The following STON2 variants were observed in gnomAD, a reference collection of about 807,000 sequenced individuals.
STON2 encodes the protein stonin-2.
A neutral mutation model predicts 65.7 loss-of-function variants in STON2; 29 were observed. The ratio of observed to expected loss-of-function variants is 0.44; its 90% CI spans 0.33 to 0.60. STON2 has a LOEUF of 0.60. Ranked by LOEUF, STON2 falls within the 20% of genes least tolerant of loss-of-function variation. The pLI, the probability that STON2 is intolerant of heterozygous loss-of-function variation, is 0.03. For missense variants in STON2, 1,054 were observed against 1,118.1 expected (o/e 0.94, Z 0.82); for synonymous variants, 404 against 414.2 (o/e 0.98, Z 0.30).
intron 4 of STON2, among the ~76,000 whole-genome samples, chr14:81,358,949 T>G (rs566189929): frequency 1.3e-5 from 2 of 152,286 alleles, no homozygotes; most frequent in South Asian, 4.1e-4. Context: ...ATATCGGACT[T>G]GAATACTCTA....
rs1248019802 is a variant in STON2, at chr14:81,278,388, G to A, written c.1094C>T (p.Pro365Leu). 2 of 1,614,206 alleles carry A rather than the reference G, an allele frequency of 1.2e-6. No individual in the cohort carries two copies. Among genetic ancestry groups the A allele is most frequent in the African/African-American group, 1.3e-5 (1 of 75,038 alleles). ...NRTPSVTEASPWRATNPFLNE... is the reference protein window; with the variant it reads ...NRTPSVTEASLWRATNPFLNE... ...CAGGAAAGGGTTGGTTGCCCTCCAA[G>A]GTGAAGCCTCAGTTACAGAAGGCGT... The change falls in exon 6 of 8, where the codon CCT becomes CTT. Residue 365 changes from proline (P) to leucine (L), a missense_variant. Physicochemically the swap from Pro to Leu is moderately conservative, Grantham distance 98. Transcript: ENST00000614646.
In STON2 at chr14:81,395,938, G is replaced by A. The variant is rs760018403; in HGVS notation, c.329C>T (p.Pro110Leu). The A allele has an allele frequency of 6.2e-7, 1 of 1,614,106 alleles. No individual in the cohort carries two copies. The highest frequency in any genetic ancestry group is 1.7e-5 in the Admixed American group (1 of 60,014). Residue 110 changes from proline to leucine, a missense_variant, in exon 3 of 8, where the codon CCC becomes CTC. Physicochemically the swap from Pro to Leu is moderately conservative, Grantham distance 98. Transcript: ENST00000614646. ...SNWVQFEDDT[P>L]WASTSPPHQE... ...ATGAGGTGGAGATGTGCTGGCCCAG[G>A]GTGTGTCATCTTCAAACTGAACCCA...
Position 81,333,343 on chromosome 14 carries a change from T to C in STON2, c.572-9156A>G, listed in dbSNP as rs193181321. The C allele has an allele frequency of 4.2e-4, 236 of 558,918 alleles. 1 individual carries two copies. The highest frequency in any genetic ancestry group is 3.5e-3 in the African/African-American group (187 of 53,244). The allele number at this position is 558,918 out of a possible 1,614,324, so 34.6% of individuals were successfully genotyped here. On this transcript the variant is annotated intron_variant, in intron 4 of 7. Transcript: ENST00000614646. ...TTGGTCATGAACTTTCTAGTTCAGA[T>C]AGTTACCATGTCATTCATGATGGCG...
intron 2 of STON2, among the ~76,000 whole-genome samples, chr14:81,423,575 G>A (rs542083048): frequency 4.6e-5 from 7 of 152,242 alleles, no homozygotes; most frequent in Non-Finnish European, 2.9e-5. Flanking sequence ...CCTTATTTCC[G>A]TTTTCAGCAA....
intron 4 of STON2, among the ~76,000 whole-genome samples, chr14:81,345,677 T>C (rs1231904202): frequency 6.6e-6 from 1 of 151,960 alleles, no homozygotes; most frequent in Non-Finnish European, 1.5e-5. Flanking sequence ...GGGAGGATGG[T>C]TTGAGCCCAG....
At chr14:81,328,021 T>G (rs1897061942) in intron 4 of STON2, among the ~76,000 whole-genome samples, 1 of 152,206 alleles carries the variant, frequency 6.6e-6, no homozygotes, top group Admixed American at 6.5e-5. Context: ...AAAGCCTACC[T>G]TACAGCTTTT....
chr14:81,360,609 T>C (rs1046574318), intron 4 of STON2, among the ~76,000 whole-genome samples: 9 of 152,148 alleles, frequency 5.9e-5, no homozygotes, highest in Non-Finnish European at 1.2e-4. Flanking sequence ...CCCTGAGTCC[T>C]AGAACAAGAC....
chr14:81,430,135 G>A (rs572073270), intron 1 of STON2, among the ~76,000 whole-genome samples: 40 of 152,060 alleles, frequency 2.6e-4, no homozygotes, highest in Middle Eastern at 3.2e-3. Context: ...CATCCAGCCC[G>A]GAGTAGCTGC....
At chr14:81,367,208 T>G (rs765376745) in intron 4 of STON2, among the ~76,000 whole-genome samples, 3 of 152,008 alleles carry the variant, frequency 2.0e-5, no homozygotes, top group Non-Finnish European at 4.4e-5. Flanking sequence ...AGACCAAGTC[T>G]CACTCTGTCA....
intron 3 of STON2, among the ~76,000 whole-genome samples, chr14:81,382,955 T>C (rs754852948): frequency 6.6e-6 from 1 of 152,212 alleles, no homozygotes; most frequent in African/African-American, 2.4e-5. Flanking sequence ...CTCCGATAAG[T>C]TATTTTATTC....
Position 81,278,188 on chromosome 14 carries a change from T to G in STON2, c.1294A>C (p.Thr432Pro), listed in dbSNP as rs139654937. The G allele has an allele frequency of 1.1e-5, 17 of 1,613,784 alleles. No individual in the cohort carries two copies. The highest frequency in any genetic ancestry group is 1.3e-5 in the African/African-American group (1 of 74,906). Residue 432 changes from threonine to proline, a missense_variant, in exon 6 of 8, where the codon ACC becomes CCC. Coordinates refer to ENST00000614646, the MANE Select transcript of STON2 (RefSeq NM_001394390.1). ...DAISFDDSSKTQSHSDAVEKL... is the reference protein window; with the variant it reads ...DAISFDDSSKPQSHSDAVEKL... ...TCAACAGCATCAGAGTGTGACTGGG[T>G]TTTGCTTGAATCATCAAAACTGATG...
intron 5 of STON2, among the ~76,000 whole-genome samples, chr14:81,287,610 C>G (rs576285774): frequency 6.6e-6 from 1 of 152,182 alleles, no homozygotes; most frequent in African/African-American, 2.4e-5. Flanking sequence ...ATTTTTTTTG[C>G]TCAGAAAAGC....
At position 81,277,755 on chromosome 14, in the gene STON2, G is replaced by T; in HGVS notation, c.1727C>A (p.Ala576Asp). ...CACCTGTTCCCTCTCTGCTGTGTGG[G>T]CCACAGCAGGTTTGGGCTGGTATTT... is the stretch of plus-strand genomic sequence containing the variant. Reference protein sequence around the residue: ...KKKYQPKPAVAHTAEREQVIK... With the variant: ...KKKYQPKPAVDHTAEREQVIK... The change falls in exon 6 of 8, where the codon GCC (alanine) becomes GAC (aspartate). Residue 576 changes from alanine to aspartate, a missense_variant. Ala to Asp is a moderately radical substitution (Grantham distance 126). Coordinates refer to ENST00000614646, the MANE Select transcript of STON2 (RefSeq NM_001394390.1). 6.2e-7 allele frequency: 1 copy of T among 1,614,134 alleles called. No homozygotes were observed. The highest frequency in any genetic ancestry group is 8.5e-7 in the Non-Finnish European group (1 of 1,179,990).
intron 2 of STON2, chr14:81,426,987 C>T (rs1902009429): frequency 6.6e-6 from 1 of 152,188 alleles, no homozygotes; most frequent in African/African-American, 2.4e-5. Flanking sequence ...ACATTGATGT[C>T]AAAGTGCTTT....
intron 4 of STON2, among the ~76,000 whole-genome samples, chr14:81,355,094 A>AG (rs1458891164): frequency 1.3e-5 from 2 of 152,342 alleles, no homozygotes; most frequent in East Asian, 3.9e-4. Flanking sequence ...CATTCAGAAG[A>AG]GAAAAAAAAG....
intron 6 of STON2, among the ~76,000 whole-genome samples, chr14:81,274,230 T>G (rs577341890): frequency 2.0e-5 from 3 of 152,244 alleles, no homozygotes; most frequent in Non-Finnish European, 4.4e-5. Context: ...GTTTCACTAT[T>G]GAAAATATTG....
intron 6 of STON2, among the ~76,000 whole-genome samples, chr14:81,276,001 G>T (rs921352174): frequency 3.3e-5 from 5 of 152,210 alleles, no homozygotes; most frequent in Admixed American, 3.3e-4. Flanking sequence ...TTCGTTAACA[G>T]ATGGGCAAAA....
At chr14:81,403,957 G>A (rs569439932), upstream of STON2, among the ~76,000 whole-genome samples, 129 of 152,100 alleles carry the variant, frequency 8.5e-4, no homozygotes, top group African/African-American at 2.8e-3. Context: ...TGCTAATGTC[G>A]CTATATGAGG....
chr14:81,389,972 G>T (rs1047945252), intron 3 of STON2, among the ~76,000 whole-genome samples: 2 of 152,120 alleles, frequency 1.3e-5, no homozygotes, highest in African/African-American at 2.4e-5. Context: ...CAGCACTTTG[G>T]GAGGCCGAGG....
Sources: allele counts gnomAD v4.1 joint callset (sites outside exome capture counted in the v4.1 genomes callset), GRCh38; gene constraint gnomAD v4.1.1; transcripts MANE v1.5; gene names NCBI Gene and HGNC (gene_info 2026-07-23, HGNC 2026-07-21).